Variants in MCTP2 observed in about 807,000 individuals in gnomAD.
The protein encoded by MCTP2 is multiple C2 and transmembrane domain-containing protein 2.
In MCTP2, 132 loss-of-function variants were observed where a neutral mutation model predicts 111.6. The ratio of observed to expected loss-of-function variants is 1.18; its 90% confidence interval spans 1.03 to 1.37. The LOEUF is 1.37. Ranked by LOEUF, MCTP2 falls within the 40% of genes most tolerant of loss-of-function variation. MCTP2 has a pLI of 0.00. For synonymous variants in MCTP2, 395 were observed against 387.7 expected (o/e 1.02, Z -0.22); for missense variants, 1,183 against 1,067.9 (o/e 1.11, Z -1.50).
At chr15:94,243,324 C>T (rs548428341) in intron 1 of MCTP2, among the ~76,000 whole-genome samples, 10 of 143,400 alleles carry the variant, frequency 7.0e-5, no homozygotes, top group Admixed American at 2.8e-4. Flanking sequence ...TGCGTACATA[C>T]GTATGCGTAT....
chr15:94,249,211 G>A (rs1653644707), intron 1 of MCTP2, among the ~76,000 whole-genome samples: 1 of 152,172 alleles, frequency 6.6e-6, no homozygotes, highest in Non-Finnish European at 1.5e-5. Flanking sequence ...ACATAGCCCT[G>A]TGTTATTTAG....
At chr15:94,381,019 C>G (rs2080105790) in intron 12 of MCTP2, among the ~76,000 whole-genome samples, 1 of 152,206 alleles carries the variant, frequency 6.6e-6, no homozygotes, top group African/African-American at 2.4e-5. Flanking sequence ...GGTGATGTGG[C>G]TTCTGGACAC....
At chr15:94,411,656 TTATC>T (rs1335513829) in intron 17 of MCTP2, among the ~76,000 whole-genome samples, 10 of 152,224 alleles carry the variant, frequency 6.6e-5, no homozygotes, top group African/African-American at 2.2e-4. Context: ...ACTGCTCCCT[TTATC>T]TAGGGGTTGT....
At chr15:94,334,306 T>C (rs1302995000) in intron 4 of MCTP2, among the ~76,000 whole-genome samples, 1 of 152,260 alleles carries the variant, frequency 6.6e-6, no homozygotes, top group African/African-American at 2.4e-5. Flanking sequence ...AAGGAACGTC[T>C]GAGACTTTAA....
intron 17 of MCTP2, among the ~76,000 whole-genome samples, chr15:94,423,415 T>G (rs2082719401): frequency 6.6e-6 from 1 of 152,158 alleles, no homozygotes; most frequent in Non-Finnish European, 1.5e-5. Context: ...ATATTTACTG[T>G]TAGAAAATTT....
At chr15:94,399,847 C>T (rs2081471471) in intron 15 of MCTP2, 74 bp from the exon 16 acceptor site, 2 of 1,330,452 alleles carry the variant, frequency 1.5e-6, no homozygotes, top group South Asian at 2.4e-5. Context: ...CACGATTTTC[C>T]CAGTCATTAA....
chr15:94,390,094 A>ATATG (rs2080836428), intron 14 of MCTP2, among the ~76,000 whole-genome samples: 3 of 12,108 alleles, frequency 2.5e-4, no homozygotes, highest in African/African-American at 6.2e-4. Context: ...ATATATGTAT[A>ATATG]TATATATATA....
intron 14 of MCTP2, among the ~76,000 whole-genome samples, chr15:94,386,643 T>G (rs528981293): frequency 6.9e-5 from 10 of 145,386 alleles, no homozygotes; most frequent in Non-Finnish European, 1.5e-4. Flanking sequence ...TTTCCCCCCC[T>G]TTTTTTTTCA....
At chr15:94,383,917 C>T in intron 12 of MCTP2, 105 bp from the exon 13 acceptor site, 1 of 801,810 alleles carries the variant, frequency 1.2e-6, no homozygotes, top group South Asian at 1.6e-5. Context: ...GCAGTCTTGC[C>T]TTCCCTCTTT....
At chr15:94,370,238 C>A in intron 12 of MCTP2, 58 bp downstream of exon 12, 1 of 1,407,040 alleles carries the variant, frequency 7.1e-7, no homozygotes, top group Non-Finnish European at 9.9e-7. Flanking sequence ...TTGAAACAAT[C>A]TCCTGGCAAA....
chr15:94,398,204 T>A (rs1006683163), intron 14 of MCTP2, among the ~76,000 whole-genome samples: 2 of 152,218 alleles, frequency 1.3e-5, no homozygotes, highest in African/African-American at 4.8e-5. Flanking sequence ...TGAGTGTTTT[T>A]GGATTTTGAC....
intron 17 of MCTP2, among the ~76,000 whole-genome samples, chr15:94,435,850 C>T (rs982341592): frequency 1.3e-5 from 2 of 151,122 alleles, no homozygotes; most frequent in Non-Finnish European, 3.0e-5. Context: ...CCGGGATGGT[C>T]TCGATCTCCT....
At chr15:94,394,022 C>A (rs1346458139) in intron 14 of MCTP2, among the ~76,000 whole-genome samples, 2 of 141,286 alleles carry the variant, frequency 1.4e-5, no homozygotes, top group Non-Finnish European at 3.0e-5. Context: ...GGCACTCCAG[C>A]CTGGGCAATA....
chr15:94,269,900 C>T (rs1467804216), intron 1 of MCTP2, among the ~76,000 whole-genome samples: 1 of 151,956 alleles, frequency 6.6e-6, no homozygotes, highest in Non-Finnish European at 1.5e-5. Flanking sequence ...AGGGAAGATA[C>T]CTCTAAAAAA....
At chr15:94,329,928 A>G (rs920167867) in intron 4 of MCTP2, among the ~76,000 whole-genome samples, 3 of 152,120 alleles carry the variant, frequency 2.0e-5, no homozygotes, top group African/African-American at 7.2e-5. Context: ...ACATAACTGC[A>G]CCTCAGTGCC....
intron 1 of MCTP2, among the ~76,000 whole-genome samples, chr15:94,294,715 C>A (rs949581413): frequency 5.3e-5 from 8 of 152,064 alleles, no homozygotes; most frequent in Non-Finnish European, 1.0e-4. Flanking sequence ...AGGCTGATTC[C>A]CATTCCCAGT....
At chr15:94,441,717 C>G (rs1057084471) in intron 18 of MCTP2, among the ~76,000 whole-genome samples, 2 of 152,164 alleles carry the variant, frequency 1.3e-5, no homozygotes, top group Admixed American at 6.5e-5. Flanking sequence ...TGCATAGTGA[C>G]GAAGTGATTT....
In MCTP2 at chr15:94,319,036, G is replaced by GTT. The variant is rs1567410982; in HGVS notation, c.637+3399_637+3400insTT. 8.5e-3 allele frequency among the ~76,000 whole-genome samples: 663 copies of GTT among 77,606 alleles called. 3 individuals carry two copies. The highest frequency in any genetic ancestry group is 0.02 in the African/African-American group (594 of 29,318). The allele number at this position is 77,606 out of a possible 152,430, so 50.9% of individuals were successfully genotyped here. On this transcript the variant is annotated intron_variant, in intron 4 of 22. Coordinates refer to ENST00000357742, the MANE Select transcript of MCTP2 (RefSeq NM_001385001.1). ...TTTGAAACCAGTAGTAATTGTTCTT[G>GTT]GTTTTTTTTTTTTTCTTTCATTTTG...
intron 8 of MCTP2, among the ~76,000 whole-genome samples, chr15:94,350,790 C>T (rs2078260209): frequency 6.6e-6 from 1 of 152,014 alleles, no homozygotes; most frequent in South Asian, 2.1e-4. Flanking sequence ...GCACATGAGC[C>T]CAACATATAA....
Sources: gnomAD v4.1 joint callset for allele counts (sites outside exome capture counted in the v4.1 genomes callset) on GRCh38, gnomAD v4.1.1 for gene constraint, MANE v1.5 for transcripts, NCBI Gene and HGNC (gene_info 2026-07-23, HGNC 2026-07-21) for gene names.